Variants in NUMA1 observed in about 807,000 individuals in gnomAD.
The protein encoded by NUMA1 is nuclear mitotic apparatus protein 1.
Under a neutral mutation model 237.1 loss-of-function variants are expected in NUMA1, and 62 were observed. That is an observed-to-expected ratio of 0.26 (90% CI 0.21 to 0.32). NUMA1 has a LOEUF of 0.32. NUMA1 is among the 10% of genes least tolerant of loss of function. The pLI is 1.00. For synonymous variants in NUMA1, 1,028 were observed against 1,066.1 expected, an observed-to-expected ratio of 0.96 and a Z score of 0.70; for missense variants, 2,533 against 2,666.5, an observed-to-expected ratio of 0.95 and a Z score of 1.10.
In NUMA1 at chr11:72,030,759, T is replaced by A. The variant is rs1195618152; in HGVS notation, c.43-1469A>T. 2.2e-4 allele frequency among the ~76,000 whole-genome samples: 33 copies of A among 152,262 alleles called. 1 individual carries two copies. The stretch of plus-strand genomic sequence containing the variant: ...TTAAAGAACTTCAGCATAGTGGTTA[T>A]GTGCAGACAACTAGATTCTATTGCT... On this transcript the variant is annotated intron_variant, in intron 3 of 26. Transcript: ENST00000393695.
rs762726789 is a variant in NUMA1 at position 72,016,428 on chromosome 11, C to A, written c.1222G>T (p.Val408Leu). The A allele has an allele frequency of 6.2e-7, 1 of 1,613,962 alleles. No individual in the cohort carries two copies. Among genetic ancestry groups the A allele is most frequent in the African/African-American group, 1.3e-5 (1 of 74,918 alleles). Residue 408 changes from valine (V) to leucine (L), a missense_variant, in exon 14 of 27, where the codon GTG (valine) becomes TTG (leucine). Physicochemically the swap from Val to Leu is conservative, Grantham distance 32. Around this residue, in one of 3 missense-constraint regions of NUMA1, gnomAD observed 1,414 missense variants for 1,508.1 expected, o/e 0.94. Coordinates refer to ENST00000393695, the MANE Select transcript of NUMA1 (RefSeq NM_006185.4). ...QDNPPQEKGE[V>L]LGDVLQLETL... is the part of the protein sequence containing the mutation. ...CCTACCTGCAAGACATCACCCAGCACCTCGCCCTTCTCCTGGGGTGGGTTA... is the reference window on the plus strand; with the variant it reads ...CCTACCTGCAAGACATCACCCAGCAACTCGCCCTTCTCCTGGGGTGGGTTA...
chr11:72,056,277 T>C (rs1415073492), intron 2 of NUMA1, among the ~76,000 whole-genome samples: 5 of 151,430 alleles, frequency 3.3e-5, no homozygotes, highest in Non-Finnish European at 7.4e-5. Flanking sequence ...TGAGCTACGA[T>C]TGTGCCACTG....
chr11:72,008,585 T>C, intron 20 of NUMA1, 103 bp downstream of exon 20: 1 of 1,309,872 alleles, frequency 7.6e-7, no homozygotes, highest in Non-Finnish European at 1.1e-6. Flanking sequence ...TATTCTTCTC[T>C]AAGAATAAAT....
chr11:72,048,459 C>A (rs1011817654), intron 2 of NUMA1, among the ~76,000 whole-genome samples: 84 of 152,236 alleles, frequency 5.5e-4, no homozygotes, highest in African/African-American at 1.9e-3. Context: ...GCAACCTCCA[C>A]CTGCCAGGTT....
In NUMA1 at chr11:72,016,226, G is replaced by A. The variant is rs755381065; in HGVS notation, c.1277C>T (p.Ala426Val). ...ETLKQEAATL[A>V]ANNTQLQARV... ...GGCTTGGAGCTGTGTGTTGTTTGCA[G>A]CAAGAGTGGCTGCCTCTTGCTTCAA... Residue 426 changes from alanine (A) to valine (V), a missense_variant, in exon 15 of 27, where the codon GCT becomes GTT. Coordinates refer to ENST00000393695, the MANE Select transcript of NUMA1 (RefSeq NM_006185.4). 7 of 1,600,722 alleles carry A rather than the reference G, an allele frequency of 4.4e-6. No homozygotes were observed. Among genetic ancestry groups the A allele is most frequent in the South Asian group, 3.3e-5 (3 of 90,814 alleles).
chr11:72,056,696 T>G (rs868349544), intron 2 of NUMA1, among the ~76,000 whole-genome samples: 4 of 123,528 alleles, frequency 3.2e-5, no homozygotes. Context: ...TCAGGAACAC[T>G]AAGTTGGATG....
In NUMA1 at chr11:72,013,569, G is replaced by T. The variant is rs769545751; in HGVS notation, c.3934C>A (p.Arg1312=). The part of the protein sequence containing the change: ...EKQRVASENL[R]QELTSQAERA... ...TCAGCCTGTGAGGTCAGCTCCTGCC[G>T]CAGGTTCTCTGAAGCCACCCGCTGT... The change falls in exon 15 of 27, where the codon CGG becomes AGG. Residue 1312 remains arginine, a synonymous_variant. Coordinates refer to ENST00000393695, the MANE Select transcript of NUMA1 (RefSeq NM_006185.4). This position sits in a 1 kb window ranked among gnomAD's most constrained non-coding sequence, Gnocchi z 6.8. 2.4e-5 allele frequency: 39 copies of T among 1,613,292 alleles called. No homozygotes were observed. The South Asian group carries it at 3.7e-4, about 15-fold the overall frequency.
chr11:72,015,487 C>G lies in NUMA1; in HGVS notation c.2016G>C (p.Gln672His). Residue 672 changes from glutamine (Q) to histidine (H), a missense_variant, in exon 15 of 27, where the codon CAG becomes CAC. Gln to His is a conservative substitution (Grantham distance 24). This residue lies in a region of NUMA1 where 1,414 missense variants were observed against 1,508.1 expected (regional missense o/e 0.94). Transcript: ENST00000393695. The surrounding 1 kb of genome is among the most constrained non-coding windows in gnomAD (Gnocchi z 4.0). ...GCAGCTGCAACTCTAGCTCTGCAAC[C>G]TGGGCCTGGGCCTCATGCTGTTCCT... ...ARQEQHEAQAQVAELELQLRS... is the reference protein window; with the variant it reads ...ARQEQHEAQAHVAELELQLRS... 1 of 1,612,986 alleles carries G rather than the reference C, an allele frequency of 6.2e-7. No individual in the cohort carries two copies. The highest frequency in any genetic ancestry group is 8.5e-7 in the Non-Finnish European group (1 of 1,180,040).
At chr11:72,078,682 C>A (rs888895330) in intron 1 of NUMA1, among the ~76,000 whole-genome samples, 1 of 152,246 alleles carries the variant, frequency 6.6e-6, no homozygotes, top group African/African-American at 2.4e-5. Flanking sequence ...TTAGTCATCC[C>A]TTGCTAGAAC....
intron 2 of NUMA1, among the ~76,000 whole-genome samples, chr11:72,036,927 A>G (rs1029079417): frequency 4.6e-5 from 7 of 152,200 alleles, no homozygotes; most frequent in Non-Finnish European, 1.0e-4. Flanking sequence ...ACACGTGCTC[A>G]GTCTGTAATT....
At chr11:72,063,409 AT>A (rs1943045061) in intron 2 of NUMA1, among the ~76,000 whole-genome samples, 1 of 151,478 alleles carries the variant, frequency 6.6e-6, no homozygotes, top group Admixed American at 6.6e-5. Context: ...AGAAACAAAA[AT>A]GTTCATATTT....
rs371265130 is a variant in NUMA1, at chr11:72,075,996, T to C, written c.-103+4462A>G. Among the ~76,000 whole-genome samples the C allele has an allele frequency of 5.9e-5, 9 of 152,092 alleles. No individual in the cohort carries two copies. The East Asian group carries it at 7.7e-4, about 13-fold the overall frequency. On this transcript the variant is annotated intron_variant, in intron 1 of 26. Transcript: ENST00000393695. Reference sequence around the variant, plus strand: ...CTTAAGTTTATACTCAGTAAGATAATAGACTAGGAAAAAAAATCTGTCCAG... The same window carrying C: ...CTTAAGTTTATACTCAGTAAGATAACAGACTAGGAAAAAAAATCTGTCCAG...
intron 1 of NUMA1, among the ~76,000 whole-genome samples, chr11:72,071,367 T>C (rs1475053369): frequency 6.6e-6 from 1 of 152,246 alleles, no homozygotes; most frequent in East Asian, 1.9e-4. Context: ...TTAATCTATA[T>C]AGTTCTTCTA....
intron 2 of NUMA1, among the ~76,000 whole-genome samples, chr11:72,059,432 T>C (rs564862081): frequency 5.4e-4 from 82 of 152,244 alleles, no homozygotes; most frequent in South Asian, 2.1e-3. Context: ...CGCACCACCA[T>C]ACCCAGCTAA....
chr11:72,009,530 C>G, intron 17 of NUMA1, 143 bp from the exon 18 acceptor site: 1 of 1,107,592 alleles, frequency 9.0e-7, no homozygotes, highest in Non-Finnish European at 1.3e-6. Flanking sequence ...ACCCCAAATA[C>G]TCTCTGCCCG....
At chr11:72,075,760 TGATTG>T (rs1943676757) in intron 1 of NUMA1, among the ~76,000 whole-genome samples, 1 of 152,240 alleles carries the variant, frequency 6.6e-6, no homozygotes, top group South Asian at 2.1e-4. Flanking sequence ...TCTGTTTTGC[TGATTG>T]GATCTGAACT....
chr11:72,012,566 G>A (rs1320443939), intron 15 of NUMA1, 124 bp from the exon 16 acceptor site: 3 of 946,484 alleles, frequency 3.2e-6, no homozygotes, highest in South Asian at 1.5e-5. Context: ...TTGACAGTAA[G>A]TTTAAAAATG....
intron 2 of NUMA1, chr11:72,067,243 T>G (rs559003190): frequency 6.6e-6 from 1 of 152,306 alleles, no homozygotes; most frequent in East Asian, 1.9e-4. Flanking sequence ...TTAGGCCACT[T>G]TGTCCTCCAG....
chr11:72,068,706 G>A (rs1943313649), intron 2 of NUMA1: 1 of 152,094 alleles, frequency 6.6e-6, no homozygotes, highest in Non-Finnish European at 1.5e-5. Context: ...TCACTATAAA[G>A]GAAAGTGACT....
Sources: allele counts gnomAD v4.1 joint callset (sites outside exome capture counted in the v4.1 genomes callset), GRCh38; gene constraint gnomAD v4.1.1; regional missense constraint gnomAD v4.1.1; non-coding constraint Gnocchi (gnomAD v3.1); transcripts MANE v1.5; gene names NCBI Gene and HGNC (gene_info 2026-07-23, HGNC 2026-07-21).